Variants in ATG13 observed in about 807,000 individuals in gnomAD.
The protein encoded by ATG13 is autophagy-related protein 13.
A neutral mutation model predicts 65.5 loss-of-function variants in ATG13; 23 were observed. The observed-to-expected ratio is 0.35, with a 90% CI of 0.25 to 0.50. The LOEUF is 0.50. Ranked by LOEUF, ATG13 falls within the 20% of genes least tolerant of loss-of-function variation. The pLI is 0.98. For missense variants in ATG13, 566 were observed against 677.0 expected (o/e 0.84, Z 1.82); for synonymous variants, 252 against 245.2 (o/e 1.03, Z -0.26).
At chr11:46,635,032 G>A (rs748108952) in intron 2 of ATG13, among the ~76,000 whole-genome samples, 1 of 149,964 alleles carries the variant, frequency 6.7e-6, no homozygotes, top group Non-Finnish European at 1.5e-5. Flanking sequence ...TTAAGTAGGG[G>A]TTTTTCTCTC....
Position 46,656,245 on chromosome 11 carries a change from A to G in ATG13, c.471A>G (p.Gly157=). Residue 157 remains glycine (G), a synonymous_variant, in exon 8 of 19, where the codon GGA becomes GGG. Transcript: ENST00000683050. The part of the protein sequence containing the change: ...EYVILYRIYF[G]EVQLSGLGEG... ...TTCTTCCATACAGGATATATTTTGG[A>G]GAAGTTCAGCTGAGTGGCTTAGGAG... 6.2e-7 allele frequency: 1 copy of G among 1,613,240 alleles called. No individual in the cohort carries two copies. The highest frequency in any genetic ancestry group is 1.7e-4 in the Middle Eastern group (1 of 6,060).
chr11:46,638,610 G>A (rs1369009760), intron 2 of ATG13: 1 of 151,962 alleles, frequency 6.6e-6, no homozygotes, highest in Non-Finnish European at 1.5e-5. Flanking sequence ...CCCATCCTCT[G>A]GTAACTCCTA....
At chr11:46,633,003 A>AAAAAT (rs1261200980) in intron 2 of ATG13, among the ~76,000 whole-genome samples, 1 of 89,148 alleles carries the variant, frequency 1.1e-5, no homozygotes, top group Non-Finnish European at 2.2e-5. Flanking sequence ...ATTAAAAAAA[A>AAAAAT]ATATATATAT....
At chr11:46,657,726 CA>C (rs1028035933) in intron 10 of ATG13, 104 bp downstream of exon 10, 2 of 1,043,160 alleles carry the variant, frequency 1.9e-6, no homozygotes, top group African/African-American at 3.3e-5. Flanking sequence ...CTCCAGTGGG[CA>C]GGGGGCCACT....
At position 46,632,228 on chromosome 11, in the gene ATG13, CATG is replaced by C. The variant is rs928295791; in HGVS notation, c.-14+2131_-14+2133del. 3.9e-5 allele frequency: 6 copies of C among 152,164 alleles called. No homozygotes were observed. In the East Asian group the frequency reaches 5.8e-4, roughly 15 times the overall value. 9.4% of individuals were successfully genotyped at this position (152,164 alleles called of 1,614,324 possible). Reference sequence around the variant, plus strand: ...GATTAAGGCATTTTAGAAACAGTGACATGATAAATTTAATCAATTATTCATGAA... The same window carrying C: ...GATTAAGGCATTTTAGAAACAGTGACATAAATTTAATCAATTATTCATGAA... On this transcript the variant is annotated intron_variant, in intron 2 of 18. Transcript: ENST00000683050.
intron 7 of ATG13, 85 bp downstream of exon 7, chr11:46,650,402 T>C (rs2058652911): frequency 6.7e-6 from 10 of 1,502,534 alleles, no homozygotes; most frequent in Non-Finnish European, 9.0e-6. Context: ...TCTGTGATGA[T>C]GTTTTGGACA....
chr11:46,648,270 A>G (rs1565520057), intron 5 of ATG13, among the ~76,000 whole-genome samples: 1 of 151,820 alleles, frequency 6.6e-6, no homozygotes, highest in African/African-American at 2.4e-5. Flanking sequence ...TAATTTTTGT[A>G]TTTTTAGTAC....
intron 2 of ATG13, 124 bp from the exon 3 acceptor site, chr11:46,644,155 T>A: frequency 1.6e-6 from 1 of 643,434 alleles, no homozygotes; most frequent in Non-Finnish European, 2.4e-6. Context: ...TTAAAGGAAA[T>A]TTTTTTCCTC....
At chr11:46,650,404 T>C in intron 7 of ATG13, 87 bp downstream of exon 7, 1 of 1,493,956 alleles carries the variant, frequency 6.7e-7, no homozygotes, top group Non-Finnish European at 9.0e-7. Context: ...TGTGATGATG[T>C]TTTGGACAGT....
chr11:46,645,791 C>A (rs1192537989), intron 4 of ATG13, 79 bp from the exon 5 acceptor site: 2 of 1,563,782 alleles, frequency 1.3e-6, no homozygotes, highest in Non-Finnish European at 1.7e-6. Flanking sequence ...GCAATACTTG[C>A]ATTACCCAGC....
chr11:46,656,554 G>A (rs1243177662), intron 8 of ATG13, among the ~76,000 whole-genome samples: 1 of 152,176 alleles, frequency 6.6e-6, no homozygotes, highest in African/African-American at 2.4e-5. Context: ...AAATGTTTCT[G>A]ATGAACAACA....
chr11:46,667,810 C>G lies in ATG13; in HGVS notation c.1174C>G (p.Arg392Gly). ...AACCGTATCAAACAGCAGTGAGGGA[C>G]GGGCCTCCCCTCACGATGTCTTGGA... ...TETVSNSSEG[R>G]ASPHDVLETI... Residue 392 changes from arginine to glycine, a missense_variant, in exon 15 of 19, where the codon CGG becomes GGG. This residue lies in a region of ATG13 where 387 missense variants were observed against 409.8 expected (regional missense o/e 0.94). Coordinates refer to ENST00000683050, the MANE Select transcript of ATG13 (RefSeq NM_001346311.2). 1 of 1,611,346 alleles carries G rather than the reference C, an allele frequency of 6.2e-7. No homozygotes were observed. Among genetic ancestry groups the G allele is most frequent in the Non-Finnish European group, 8.5e-7 (1 of 1,177,656 alleles).
At chr11:46,661,762 T>C (rs1397012028) in intron 11 of ATG13, among the ~76,000 whole-genome samples, 2 of 151,934 alleles carry the variant, frequency 1.3e-5, no homozygotes, top group African/African-American at 4.8e-5. Context: ...GCCTGGGAGG[T>C]TGAAGCTGTA....
rs2057232652 is a variant in ATG13 at position 46,645,287 on chromosome 11, T to G, written c.70-52T>G. 13 of 1,541,552 alleles carry G rather than the reference T, an allele frequency of 8.4e-6. No homozygotes were observed. The South Asian group carries it at 1.5e-4, about 18-fold the overall frequency. On this transcript the variant is annotated intron_variant, in intron 3 of 18. Coordinates refer to ENST00000683050, the MANE Select transcript of ATG13 (RefSeq NM_001346311.2). ...TAACCCTGATCGGGAGCCAGATTAG[T>G]CTAAGACTTTTCATCATTTTAGGAT...
At position 46,633,003 on chromosome 11, in the gene ATG13, A is replaced by AATATAT. The variant is rs1184181156; in HGVS notation, c.-14+2922_-14+2927dup. Among the ~76,000 whole-genome samples, 162 of 89,110 alleles carry AATATAT rather than the reference A, an allele frequency of 1.8e-3. 1 individual carries two copies. Among genetic ancestry groups the AATATAT allele is most frequent in the African/African-American group, 6.5e-3 (157 of 23,986 alleles). 58.5% of individuals were successfully genotyped at this position (89,110 alleles called of 152,430 possible). ...CAGAGCAAGACCCCCATTAAAAAAAAATATATATATATATATATATATATT... is the reference window on the plus strand; with the variant it reads ...CAGAGCAAGACCCCCATTAAAAAAAAATATATATATATATATATATATATATATATT... On this transcript the variant is annotated intron_variant, in intron 2 of 18. Coordinates refer to ENST00000683050, the MANE Select transcript of ATG13 (RefSeq NM_001346311.2).
chr11:46,624,480 A>C (rs7122039), intron 1 of ATG13, among the ~76,000 whole-genome samples: 32,679 of 151,238 alleles, frequency 0.22, 4,271 homozygotes, highest in African/African-American at 0.37. Context: ...TCTAAAATGG[A>C]TCTTCAGATT....
rs560116859 is a variant in ATG13, at chr11:46,669,175, G to A, written c.1447-229G>A. Among the ~76,000 whole-genome samples, 16 of 152,300 alleles carry A rather than the reference G, an allele frequency of 1.1e-4. No individual in the cohort carries two copies. In the South Asian group the frequency reaches 1.5e-3, roughly 14 times the overall value. On this transcript the variant is annotated intron_variant, in intron 17 of 18. Coordinates refer to ENST00000683050, the MANE Select transcript of ATG13 (RefSeq NM_001346311.2). ...ACTGATACCCACTTAGGTCCTATTC[G>A]TGGCTAGGCAAGGAGTTTGAAGGAG... is the stretch of plus-strand genomic sequence containing the variant.
At chr11:46,625,170 A>T (rs1326336423) in intron 1 of ATG13, 1 of 151,898 alleles carries the variant, frequency 6.6e-6, no homozygotes, top group Non-Finnish European at 1.5e-5. Context: ...GCTACCAAAA[A>T]AAAAAAAGAA....
chr11:46,624,665 T>G (rs1242944358), intron 1 of ATG13, among the ~76,000 whole-genome samples: 1 of 152,144 alleles, frequency 6.6e-6, no homozygotes, highest in Non-Finnish European at 1.5e-5. Context: ...TCAGAAGGGA[T>G]GTGAAGTCAG....
Sources: allele counts gnomAD v4.1 joint callset (sites outside exome capture counted in the v4.1 genomes callset), GRCh38; gene constraint gnomAD v4.1.1; regional missense constraint gnomAD v4.1.1; transcripts MANE v1.5; gene names NCBI Gene and HGNC (gene_info 2026-07-23, HGNC 2026-07-21).